Variants in WSCD2 observed in about 807,000 individuals in gnomAD.
WSCD2 encodes sialate:O-sulfotransferase 2.
A neutral mutation model predicts 55.7 loss-of-function variants in WSCD2; 28 were observed. That is an observed-to-expected ratio of 0.50 (90% CI 0.37 to 0.69). The LOEUF (loss-of-function observed/expected upper bound fraction) is 0.69, where lower values mean the gene tolerates loss of function less well. Ranked by LOEUF, WSCD2 falls within the 30% of genes least tolerant of loss-of-function variation. The pLI is 0.00. For synonymous variants in WSCD2, 301 were observed against 301.9 expected, an observed-to-expected ratio of 1.00 and a Z score of 0.03; for missense variants, 616 against 762.1, an observed-to-expected ratio of 0.81 and a Z score of 2.26.
intron 3 of WSCD2, among the ~76,000 whole-genome samples, 186 bp from the exon 4 acceptor site, chr12:108,209,935 C>A (rs1332290562): frequency 6.6e-6 from 1 of 152,084 alleles, no homozygotes; most frequent in East Asian, 1.9e-4. Flanking sequence ...GGTCTCCTGT[C>A]CCCTGAGGTC....
intron 1 of WSCD2, among the ~76,000 whole-genome samples, chr12:108,169,742 G>T (rs568370844): frequency 4.6e-5 from 7 of 152,284 alleles, no homozygotes; most frequent in Admixed American, 3.9e-4. Context: ...AGTTTCCAGG[G>T]TCATGGTTGG....
intron 8 of WSCD2, among the ~76,000 whole-genome samples, chr12:108,244,151 C>T (rs1270350451): frequency 6.6e-6 from 1 of 152,192 alleles, no homozygotes; most frequent in Non-Finnish European, 1.5e-5. Context: ...CCCCGCCAGG[C>T]ACACCTGTAT....
chr12:108,212,813 A>G (rs1886382877), intron 4 of WSCD2, among the ~76,000 whole-genome samples: 1 of 152,140 alleles, frequency 6.6e-6, no homozygotes, highest in Non-Finnish European at 1.5e-5. Flanking sequence ...GCATTTTTGT[A>G]TTATGTCCAA....
chr12:108,173,805 G>GCTCTCTCTCTCT (rs10658530), intron 1 of WSCD2, among the ~76,000 whole-genome samples: 2 of 127,782 alleles, frequency 1.6e-5, no homozygotes, highest in African/African-American at 6.4e-5. Flanking sequence ...CTGATTCCTG[G>GCTCTCTCTCTCT]CTCTCTGTGT....
chr12:108,169,927 C>G (rs992660598), intron 1 of WSCD2, among the ~76,000 whole-genome samples: 8 of 152,128 alleles, frequency 5.3e-5, no homozygotes, highest in African/African-American at 1.9e-4. Flanking sequence ...CATTAAAGAC[C>G]CAAGGGAGGT....
chr12:108,204,752 C>T (rs1431145750), intron 2 of WSCD2, among the ~76,000 whole-genome samples: 6 of 152,200 alleles, frequency 3.9e-5, no homozygotes, highest in Non-Finnish European at 7.3e-5. Flanking sequence ...CAGGTCAAGA[C>T]ACATCTCCAG....
chr12:108,133,513 T>A (rs988878160), intron 1 of WSCD2, among the ~76,000 whole-genome samples: 2 of 152,058 alleles, frequency 1.3e-5, no homozygotes, highest in Non-Finnish European at 2.9e-5. Context: ...TATAAACAAG[T>A]GTGTGGGTGG....
intron 4 of WSCD2, among the ~76,000 whole-genome samples, chr12:108,212,583 C>T (rs1052496391): frequency 1.4e-5 from 2 of 140,046 alleles, no homozygotes; most frequent in Non-Finnish European, 3.1e-5. Context: ...TGTCTCTCCA[C>T]CCCCATTTCT....
intron 4 of WSCD2, among the ~76,000 whole-genome samples, chr12:108,224,427 G>A (rs187628026): frequency 4.6e-5 from 7 of 152,350 alleles, no homozygotes; most frequent in African/African-American, 7.2e-5. Flanking sequence ...TGGGAATGAG[G>A]AAGTGAGGCA....
intron 6 of WSCD2, among the ~76,000 whole-genome samples, chr12:108,229,865 G>GA (rs199775108): frequency 0.045 from 5,259 of 117,120 alleles, 144 homozygotes; most frequent in East Asian, 0.18. Context: ...TTTTGCTCTG[G>GA]AAAAAAAAAA....
chr12:108,175,251 A>T (rs1361687152), intron 1 of WSCD2, among the ~76,000 whole-genome samples: 1 of 152,222 alleles, frequency 6.6e-6, no homozygotes, highest in African/African-American at 2.4e-5. Context: ...TCATCAAAGA[A>T]GCACCTGGCC....
rs34940032 is a variant in WSCD2, at chr12:108,147,858, G to GA, written c.-552+17944dup. On this transcript the variant is annotated intron_variant, in intron 1 of 8. Transcript: ENST00000547525. ...GGAGACAAAGTGAGACCCTGTCTCA[G>GA]AAAAAAAAAAAAGAAAAAAGAAAAG... 3.6e-3 allele frequency among the ~76,000 whole-genome samples: 488 copies of GA among 134,360 alleles called. 2 individuals are homozygous for GA. Among genetic ancestry groups the GA allele is most frequent in the Middle Eastern group, 7.6e-3 (2 of 262 alleles). The allele number at this position is 134,360 out of a possible 152,430, so 88.1% of individuals were successfully genotyped here.
chr12:108,208,140 G>C (rs1245161575), intron 3 of WSCD2, among the ~76,000 whole-genome samples: 1 of 152,158 alleles, frequency 6.6e-6, no homozygotes, highest in East Asian at 1.9e-4. Context: ...CCAGGTGCTG[G>C]AGATGAAGAG....
chr12:108,179,120 A>G (rs914893364), intron 1 of WSCD2, among the ~76,000 whole-genome samples: 18 of 152,096 alleles, frequency 1.2e-4, no homozygotes, highest in African/African-American at 3.6e-4. Context: ...TCACTTTCAC[A>G]TGGCCTGTTT....
intron 1 of WSCD2, among the ~76,000 whole-genome samples, chr12:108,194,895 G>A (rs1883697669): frequency 2.0e-5 from 3 of 152,144 alleles, no homozygotes; most frequent in Admixed American, 2.0e-4. Context: ...AGGTTCAGCA[G>A]GTAGTTCAGC....
At position 108,248,287 on chromosome 12, in the gene WSCD2, G is replaced by T. The variant is rs1348930774; in HGVS notation, c.1642G>T (p.Ala548Ser). 5 of 1,614,236 alleles carry T rather than the reference G, an allele frequency of 3.1e-6. No homozygotes were observed. In the Middle Eastern group the frequency reaches 4.9e-4, roughly 160 times the overall value. ...CTCTGCCTACATCAAGATGGTGGAT[G>T]CAGCCCTCAAAGGGCGGAACCTAAC... ...TISAYIKMVD[A>S]ALKGRNLTGV... Residue 548 changes from alanine to serine, a missense_variant, in exon 9 of 9, where the codon GCA (alanine) becomes TCA (serine). Around this residue, in one of 3 missense-constraint regions of WSCD2, gnomAD observed 234 missense variants for 264.6 expected, o/e 0.88. Transcript: ENST00000547525. This position sits in a 1 kb window ranked among gnomAD's most constrained non-coding sequence, Gnocchi z 4.3.
intron 6 of WSCD2, among the ~76,000 whole-genome samples, chr12:108,230,284 G>T (rs1386377553): frequency 1.3e-5 from 2 of 152,104 alleles, no homozygotes; most frequent in African/African-American, 4.8e-5. Flanking sequence ...AAGCTTACTT[G>T]GCTTCGACAC....
chr12:108,174,699 C>G (rs751508682), intron 1 of WSCD2, among the ~76,000 whole-genome samples: 23 of 152,204 alleles, frequency 1.5e-4, no homozygotes, highest in Non-Finnish European at 3.2e-4. Flanking sequence ...ACTGCAGCCT[C>G]AAACTTCTGG....
At chr12:108,228,409 T>C (rs1888375444) in intron 6 of WSCD2, among the ~76,000 whole-genome samples, 1 of 152,204 alleles carries the variant, frequency 6.6e-6, no homozygotes, top group Non-Finnish European at 1.5e-5. Context: ...TGGCCACAGT[T>C]ATACATCTAC....
Sources: gnomAD v4.1 joint callset for allele counts (sites outside exome capture counted in the v4.1 genomes callset) on GRCh38, gnomAD v4.1.1 for gene constraint, gnomAD v4.1.1 regional missense constraint, Gnocchi (gnomAD v3.1) non-coding constraint, MANE v1.5 for transcripts, NCBI Gene and HGNC (gene_info 2026-07-23, HGNC 2026-07-21) for gene names.